The following KCNN2 variants were observed in gnomAD, a reference collection of about 807,000 sequenced individuals.
KCNN2 encodes potassium calcium-activated channel subfamily N member 2.
A neutral mutation model predicts 55.5 loss-of-function variants in KCNN2; 24 were observed. That is an observed-to-expected ratio of 0.43 (90% CI 0.31 to 0.61). KCNN2 has a LOEUF of 0.61. Among genes scored for constraint, KCNN2 ranks in the 20% least tolerant of loss-of-function variants. The pLI, the probability that KCNN2 is intolerant of heterozygous loss-of-function variation, is 0.08. For synonymous variants in KCNN2, 431 were observed against 336.1 expected (o/e 1.28, Z -3.09); for missense variants, 754 against 853.6 (o/e 0.88, Z 1.45).
intron 2 of KCNN2, among the ~76,000 whole-genome samples, chr5:114,385,967 A>G (rs1554085126): frequency 1.3e-5 from 2 of 151,858 alleles, no homozygotes; most frequent in Non-Finnish European, 2.9e-5. Context: ...TCGTGAGGTC[A>G]GGAAATCGAG....
intron 1 of KCNN2, among the ~76,000 whole-genome samples, chr5:114,142,383 T>G (rs1752304217): frequency 6.6e-6 from 1 of 152,188 alleles, no homozygotes; most frequent in Non-Finnish European, 1.5e-5. Flanking sequence ...ATTTATTAAA[T>G]AGGGAATCCT....
chr5:114,110,602 C>A (rs1224076572), intron 1 of KCNN2, among the ~76,000 whole-genome samples: 2 of 151,938 alleles, frequency 1.3e-5, no homozygotes, highest in African/African-American at 2.4e-5. Flanking sequence ...CCTTTTTTTC[C>A]CATTCTCTTT....
chr5:114,099,637 T>G (rs542017798), intron 1 of KCNN2, among the ~76,000 whole-genome samples: 7 of 152,246 alleles, frequency 4.6e-5, no homozygotes, highest in African/African-American at 1.7e-4. Flanking sequence ...CCACCATACC[T>G]GACTTAGAGT....
At chr5:114,323,236 G>A (rs892666859) in intron 2 of KCNN2, among the ~76,000 whole-genome samples, 1 of 152,222 alleles carries the variant, frequency 6.6e-6, no homozygotes, top group African/African-American at 2.4e-5. Flanking sequence ...CAGTGGTTAA[G>A]AGCATCGTCT....
chr5:114,374,470 GTT>G (rs1336770279), intron 2 of KCNN2, among the ~76,000 whole-genome samples: 1 of 152,142 alleles, frequency 6.6e-6, no homozygotes, highest in African/African-American at 2.4e-5. Context: ...TCTGGTGAGA[GTT>G]TTGTTTTCTT....
intron 2 of KCNN2, among the ~76,000 whole-genome samples, chr5:114,350,334 A>C (rs1356274034): frequency 6.6e-6 from 1 of 151,606 alleles, no homozygotes; most frequent in Non-Finnish European, 1.5e-5. Flanking sequence ...TTGAGTTATA[A>C]GAGTTCTTTA....
chr5:114,167,502 T>C (rs1752939305), intron 1 of KCNN2, among the ~76,000 whole-genome samples: 1 of 152,150 alleles, frequency 6.6e-6, no homozygotes, highest in African/African-American at 2.4e-5. Context: ...ATACACTCAT[T>C]CTGTTCTTCT....
chr5:114,113,883 A>T (rs552702914), intron 1 of KCNN2, among the ~76,000 whole-genome samples: 11 of 152,222 alleles, frequency 7.2e-5, no homozygotes, highest in African/African-American at 2.6e-4. Context: ...AGGTAAAGGA[A>T]GTCCTGGCAG....
intron 2 of KCNN2, among the ~76,000 whole-genome samples, chr5:114,224,042 G>A (rs1426347042): frequency 6.6e-6 from 1 of 152,182 alleles, no homozygotes; most frequent in Non-Finnish European, 1.5e-5. Flanking sequence ...ACAGGAACAG[G>A]AAACAGCCTA....
Position 114,213,908 on chromosome 5 carries a change from G to A in KCNN2, c.-270-7572G>A, listed in dbSNP as rs1040406988. Among the ~76,000 whole-genome samples the A allele has an allele frequency of 1.1e-4, 17 of 152,122 alleles. No homozygotes were observed. The South Asian group carries it at 1.9e-3, about 17-fold the overall frequency. On this transcript the variant is annotated intron_variant, in intron 1 of 10. Coordinates refer to the KCNN2 transcript ENST00000512097. ...TGAACTGCTTCACAAGAAAGAGTTC[G>A]AATAGATAGCTTCAAATGAGACATC...
chr5:114,101,341 A>G (rs1169256886), intron 1 of KCNN2, among the ~76,000 whole-genome samples: 3 of 151,336 alleles, frequency 2.0e-5, no homozygotes, highest in Non-Finnish European at 4.4e-5. Context: ...GTCCTGGTGC[A>G]GTAGGTGTAA....
At chr5:114,179,488 G>C (rs1370277910) in intron 1 of KCNN2, among the ~76,000 whole-genome samples, 1 of 152,192 alleles carries the variant, frequency 6.6e-6, no homozygotes, top group Non-Finnish European at 1.5e-5. Flanking sequence ...CATTTAGAAA[G>C]TAGAGGCACA....
intron 2 of KCNN2, among the ~76,000 whole-genome samples, chr5:114,339,814 C>CAAACAAAT (rs1554082213): frequency 0.011 from 1,641 of 147,220 alleles, 28 homozygotes; most frequent in African/African-American, 0.035. Flanking sequence ...AACAAACAAA[C>CAAACAAAT]AAATAAATAA....
chr5:114,215,599 C>A (rs1476805686), intron 1 of KCNN2, among the ~76,000 whole-genome samples: 1 of 152,090 alleles, frequency 6.6e-6, no homozygotes, highest in African/African-American at 2.4e-5. Context: ...ACAAATCGGA[C>A]ACCCCTTTTG....
At chr5:114,076,376 A>G (rs1355872677) in intron 1 of KCNN2, among the ~76,000 whole-genome samples, 2 of 152,206 alleles carry the variant, frequency 1.3e-5, no homozygotes, top group East Asian at 1.9e-4. Flanking sequence ...TGCCCTAAGG[A>G]TGGAATGAGA....
chr5:114,371,658 C>G (rs1231531866), intron 2 of KCNN2, among the ~76,000 whole-genome samples: 1 of 152,146 alleles, frequency 6.6e-6, no homozygotes, highest in Non-Finnish European at 1.5e-5. Flanking sequence ...TTTCCCTTTT[C>G]ACAGGATCAC....
chr5:114,103,949 T>G (rs1169706390), intron 1 of KCNN2, among the ~76,000 whole-genome samples: 4 of 152,170 alleles, frequency 2.6e-5, no homozygotes. Flanking sequence ...TAAAAAGAGT[T>G]AGGGAGGAGT....
intron 2 of KCNN2, among the ~76,000 whole-genome samples, chr5:114,364,939 T>TCTTTG (rs1580752421): frequency 6.6e-6 from 1 of 151,972 alleles, no homozygotes; most frequent in East Asian, 1.9e-4. Flanking sequence ...CATTTGGTGG[T>TCTTTG]ACTTTGAGAC....
At chr5:114,356,633 G>A (rs1757298469) in intron 2 of KCNN2, among the ~76,000 whole-genome samples, 1 of 152,026 alleles carries the variant, frequency 6.6e-6, no homozygotes, top group Non-Finnish European at 1.5e-5. Flanking sequence ...TGAATGGATA[G>A]GCCCTAACAC....
Sources: allele counts gnomAD v4.1 joint callset (sites outside exome capture counted in the v4.1 genomes callset), GRCh38; gene constraint gnomAD v4.1.1; transcripts MANE v1.5; gene names NCBI Gene and HGNC (gene_info 2026-07-23, HGNC 2026-07-21).